NPC1: variants seen among roughly 807,000 people sequenced by gnomAD.
The protein encoded by NPC1 is Niemann-Pick C1 protein.
A neutral mutation model predicts 140.4 loss-of-function variants in NPC1; 85 were observed. The ratio of observed to expected loss-of-function variants is 0.61; its 90% CI spans 0.51 to 0.72. The LOEUF is 0.72. NPC1 is among the 30% of genes least tolerant of loss of function. The pLI is 0.00. For missense variants in NPC1, 1,504 were observed against 1,623.8 expected, an observed-to-expected ratio of 0.93 and a Z score of 1.27; for synonymous variants, 656 against 624.8, an observed-to-expected ratio of 1.05 and a Z score of -0.74.
intron 21 of NPC1, 24 bp from the exon 22 acceptor site, chr18:23,535,724 A>AT: frequency 2.0e-6 from 3 of 1,502,436 alleles, no homozygotes; most frequent in Non-Finnish European, 2.8e-6. Context: ...GGGAGGCCTC[A>AT]TTAAAGCTCG....
intron 3 of NPC1, among the ~76,000 whole-genome samples, chr18:23,510,303 T>TG (rs1424123895): frequency 6.7e-6 from 1 of 149,718 alleles, no homozygotes; most frequent in South Asian, 2.1e-4. Flanking sequence ...CCAGCCTGGA[T>TG]GACAGTGAGA....
At chr18:23,542,430 C>T (rs2058725886) in intron 14 of NPC1, among the ~76,000 whole-genome samples, 1 of 152,080 alleles carries the variant, frequency 6.6e-6, no homozygotes, top group Admixed American at 6.5e-5. Context: ...ACCTCCCAGC[C>T]ATGTAGGCAT....
At chr18:23,511,181 A>G (rs554875668) in intron 3 of NPC1, among the ~76,000 whole-genome samples, 1 of 152,360 alleles carries the variant, frequency 6.6e-6, no homozygotes. Context: ...TTGTGGGAAC[A>G]TGGATGGAGC....
chr18:23,531,362 C>T, downstream of NPC1: 1 of 473,424 alleles, frequency 2.1e-6, no homozygotes, highest in Non-Finnish European at 3.5e-6. Context: ...AGGATCAGGG[C>T]TGTCTAATGA....
At chr18:23,524,449 T>C, downstream of NPC1, 1 of 1,614,136 alleles carries the variant, frequency 6.2e-7, no homozygotes. Flanking sequence ...TTGGATTGTC[T>C]TTCAACCTGA....
chr18:23,511,643 T>G (rs933008406), intron 3 of NPC1, among the ~76,000 whole-genome samples: 1 of 152,174 alleles, frequency 6.6e-6, no homozygotes, highest in Non-Finnish European at 1.5e-5. Context: ...ATATAAACTT[T>G]TGCAGCTAGC....
chr18:23,536,300 G>A (rs1012097589), intron 21 of NPC1, among the ~76,000 whole-genome samples: 1 of 152,202 alleles, frequency 6.6e-6, no homozygotes, highest in African/African-American at 2.4e-5. Context: ...CATACAGGCA[G>A]CATCCCAAAT....
At position 23,573,588 on chromosome 18, in the gene NPC1, A is replaced by G. The variant is rs778851693; in HGVS notation, c.58-14T>C. ...CTGTGAAAACACCTACAGAAAGTCA[A>G]CACAAACTTCAGTGTTACCAGGGTC... On this transcript the variant is annotated splice_polypyrimidine_tract_variant and intron_variant, in intron 1 of 24. Coordinates refer to ENST00000269228, the MANE Select transcript of NPC1 (RefSeq NM_000271.5). The G allele has an allele frequency of 2.3e-5, 37 of 1,614,036 alleles. No individual in the cohort carries two copies. The highest frequency in any genetic ancestry group is 3.0e-5 in the Non-Finnish European group (35 of 1,180,004).
At chr18:23,521,474 C>A (rs2058139119), downstream of NPC1, among the ~76,000 whole-genome samples, 1 of 152,204 alleles carries the variant, frequency 6.6e-6, no homozygotes, top group Admixed American at 6.5e-5. Flanking sequence ...ATATTGCATT[C>A]TTTGGGACTG....
Position 23,554,859 on chromosome 18 carries a change from C to G in NPC1, c.1452G>C (p.Val484=), listed in dbSNP as rs1191599177. 2.3e-5 allele frequency: 37 copies of G among 1,614,040 alleles called. No individual in the cohort carries two copies. The highest frequency in any genetic ancestry group is 3.0e-5 in the Non-Finnish European group (35 of 1,180,006). Residue 484 remains valine, a synonymous_variant, in exon 9 of 25, where the codon GTG becomes GTC. Transcript: ENST00000269228. ...AATGGCTGTTCTGGAAGTAATTTAA[C>G]ACACTCAAAATGGTGCAGTTCGTGT... is the stretch of plus-strand genomic sequence containing the variant. ...PYNTNCTILS[V]LNYFQNSHSV...
intron 20 of NPC1, 143 bp downstream of exon 20, chr18:23,538,399 T>A: frequency 9.5e-7 from 1 of 1,051,316 alleles, no homozygotes; most frequent in Non-Finnish European, 1.5e-6. Flanking sequence ...TTTTCGGTTT[T>A]CCTGCTTCCA....
intron 9 of NPC1, 103 bp downstream of exon 9, chr18:23,554,655 G>T: frequency 5.0e-6 from 4 of 803,804 alleles, no homozygotes; most frequent in South Asian, 1.4e-5. Context: ...AGGTCTTGTT[G>T]TTTGCTCACC....
rs1166400124 is a variant in NPC1, at chr18:23,545,019, T to C, written c.1888A>G (p.Ile630Val). The stretch of plus-strand genomic sequence containing the variant: ...GCTAGGGAAATATATAGAAACATGA[T>C]GGCATAGCTAATTACAACGGTGAAG... ...DVFTVVISYA[I>V]MFLYISLALG... is the part of the protein sequence containing the mutation. Residue 630 changes from isoleucine (I) to valine (V), a missense_variant, in exon 12 of 25, where the codon ATC becomes GTC. Coordinates refer to ENST00000269228, the MANE Select transcript of NPC1 (RefSeq NM_000271.5). 2 of 1,556,376 alleles carry C rather than the reference T, an allele frequency of 1.3e-6. No homozygotes were observed. Among genetic ancestry groups the C allele is most frequent in the African/African-American group, 2.8e-5 (2 of 71,786 alleles).
chr18:23,531,959 G>A lies in NPC1; in HGVS notation c.*243C>T. 6.9e-7 allele frequency: 1 copy of A among 1,447,402 alleles called. No individual in the cohort carries two copies. The highest frequency in any genetic ancestry group is 9.0e-7 in the Non-Finnish European group (1 of 1,107,856). 89.7% of individuals were successfully genotyped at this position (1,447,402 alleles called of 1,614,324 possible). A position where few individuals can be genotyped will look rare whatever the true frequency, so the allele number is the denominator to read the frequency against. Reference sequence around the variant, plus strand: ...CACCTCCTGCTTGCCAAAGAATGAGGTTTCTTTCCTGAAGAGGCTGGGAGA... The same window carrying A: ...CACCTCCTGCTTGCCAAAGAATGAGATTTCTTTCCTGAAGAGGCTGGGAGA... On this transcript the variant is annotated 3_prime_UTR_variant, in exon 25 of 25. Transcript: ENST00000269228.
chr18:23,516,134 G>C, intron 3 of NPC1: 1 of 1,387,050 alleles, frequency 7.2e-7, no homozygotes, highest in Non-Finnish European at 1.0e-6. Flanking sequence ...AGGGCACTCT[G>C]TATACCCGTC....
Position 23,549,552 on chromosome 18 carries a change from T to C in NPC1, c.1655-1444A>G, listed in dbSNP as rs564065729. Reference sequence around the variant, plus strand: ...TACTCAGGAGGTGGAGGCAGAAGAATTGCTCGAACCTGGGAGGCAGGGGTT... The same window carrying C: ...TACTCAGGAGGTGGAGGCAGAAGAACTGCTCGAACCTGGGAGGCAGGGGTT... On this transcript the variant is annotated intron_variant, in intron 10 of 24. Transcript: ENST00000269228. 5.9e-5 allele frequency among the ~76,000 whole-genome samples: 9 copies of C among 152,110 alleles called. No individual in the cohort carries two copies. In the South Asian group the frequency reaches 1.9e-3, roughly 32 times the overall value.
chr18:23,559,981 C>T (rs1028692786), intron 6 of NPC1, among the ~76,000 whole-genome samples: 1 of 151,950 alleles, frequency 6.6e-6, no homozygotes, highest in Non-Finnish European at 1.5e-5. Flanking sequence ...GAATCAGTGG[C>T]TAATGCACAG....
At position 23,551,681 on chromosome 18, in the gene NPC1, G is replaced by T. The variant is rs1395735003; in HGVS notation, c.1600C>A (p.Leu534Met). 4 of 1,614,062 alleles carry T rather than the reference G, an allele frequency of 2.5e-6. No individual in the cohort carries two copies. The highest frequency in any genetic ancestry group is 2.5e-6 in the Non-Finnish European group (3 of 1,180,040). Residue 534 changes from leucine to methionine, a missense_variant, in exon 10 of 25, where the codon CTG becomes ATG. Coordinates refer to ENST00000269228, the MANE Select transcript of NPC1 (RefSeq NM_000271.5). Reference protein sequence around the residue: ...NDTSLLHDPCLGTFGGPVFPW... With the variant: ...NDTSLLHDPCMGTFGGPVFPW... ...AACACTGGTCCACCAAACGTACCCA[G>T]ACAAGGGTCATGGAGCAAACTTGTA...
intron 3 of NPC1, chr18:23,516,421 C>T: frequency 6.2e-7 from 1 of 1,613,372 alleles, no homozygotes; most frequent in South Asian, 1.1e-5. Flanking sequence ...CAATGGCTAC[C>T]ATGTATGTCC....
Sources: gnomAD v4.1 joint callset for allele counts (sites outside exome capture counted in the v4.1 genomes callset) on GRCh38, gnomAD v4.1.1 for gene constraint, MANE v1.5 for transcripts, NCBI Gene and HGNC (gene_info 2026-07-23, HGNC 2026-07-21) for gene names.